ITGB1: variants seen among roughly 807,000 people sequenced by gnomAD.
ITGB1 encodes integrin beta-1.
In ITGB1, 24 loss-of-function variants were observed where a neutral mutation model predicts 86.5. That is an observed-to-expected ratio of 0.28 (90% confidence interval 0.20 to 0.39). ITGB1 has a LOEUF of 0.39. Ranked by LOEUF, ITGB1 falls within the 10% of genes least tolerant of loss-of-function variation. The probability of loss-of-function intolerance (pLI) is 1.00; values close to 1 mark genes in which losing one functional copy is unlikely to be tolerated. For missense variants in ITGB1, 556 were observed against 946.9 expected, an observed-to-expected ratio of 0.59 and a Z score of 5.42; for synonymous variants, 323 against 316.8, an observed-to-expected ratio of 1.02 and a Z score of -0.21.
intron 11 of ITGB1, among the ~76,000 whole-genome samples, chr10:32,913,428 C>A (rs1000132030): frequency 6.6e-6 from 1 of 152,064 alleles, no homozygotes; most frequent in Non-Finnish European, 1.5e-5. Context: ...TGAAAAAAGA[C>A]TAGACGAATG....
chr10:32,926,017 T>C lies in ITGB1; in HGVS notation c.640A>G (p.Thr214Ala), dbSNP rs1253206418. Residue 214 changes from threonine to alanine, a missense_variant, in exon 6 of 16, where the codon ACC becomes GCC. By Grantham distance (58) the Thr-to-Ala change is moderately conservative (BLOSUM62 0). Transcript: ENST00000302278. ...RNPCTSEQNC[T>A]SPFSYKNVLS... ...ACATTTTTGTAGCTAAATGGGCTGGTGCAGTTCTGTTCACTTGTGCAAGGG... is the reference window on the plus strand; with the variant it reads ...ACATTTTTGTAGCTAAATGGGCTGGCGCAGTTCTGTTCACTTGTGCAAGGG... The C allele has an allele frequency of 3.7e-6, 6 of 1,614,134 alleles. No homozygotes were observed. The highest frequency in any genetic ancestry group is 5.1e-6 in the Non-Finnish European group (6 of 1,179,976).
In ITGB1 at chr10:32,920,230, C is replaced by T. The variant is rs199714737; in HGVS notation, c.1269+15G>A. 15 of 1,609,914 alleles carry T rather than the reference C, an allele frequency of 9.3e-6. No individual in the cohort carries two copies. In the African/African-American group the frequency reaches 1.1e-4, roughly 11 times the overall value. Reference sequence around the variant, plus strand: ...TAACCAATGTTTTCTACAGAAAATGCTTTATACAACATACCTCATCTCCAA... The same window carrying T: ...TAACCAATGTTTTCTACAGAAAATGTTTTATACAACATACCTCATCTCCAA... On this transcript the variant is annotated intron_variant, in intron 10 of 15. Transcript: ENST00000302278.
intron 11 of ITGB1, 142 bp downstream of exon 11, chr10:32,919,743 C>G (rs1383867855): frequency 6.5e-6 from 4 of 615,538 alleles, no homozygotes; most frequent in Admixed American, 2.8e-5. Flanking sequence ...GATCATCAAA[C>G]TGATCTTGTG....
intron 1 of ITGB1, among the ~76,000 whole-genome samples, chr10:32,939,745 TG>T (rs2095013585): frequency 6.6e-6 from 1 of 151,500 alleles, no homozygotes; most frequent in Non-Finnish European, 1.5e-5. Context: ...AGTGAGTGAG[TG>T]AGTGAGTGAG....
chr10:32,948,691 C>T (rs943390642), intron 1 of ITGB1, among the ~76,000 whole-genome samples: 1 of 152,122 alleles, frequency 6.6e-6, no homozygotes, highest in Non-Finnish European at 1.5e-5. Context: ...CTTCTCTTCT[C>T]TCACTCTCTT....
At chr10:32,933,226 T>C (rs1320269857) in intron 2 of ITGB1, 3 of 152,200 alleles carry the variant, frequency 2.0e-5, no homozygotes, top group Non-Finnish European at 4.4e-5. Context: ...TTATCTTCCT[T>C]GTCTTCTGTA....
At chr10:32,953,316 C>G (rs902067665) in intron 1 of ITGB1, among the ~76,000 whole-genome samples, 3 of 152,202 alleles carry the variant, frequency 2.0e-5, no homozygotes, top group African/African-American at 7.2e-5. Flanking sequence ...ACAACTTGTT[C>G]CAATTAGACA....
At chr10:32,935,664 G>T in intron 1 of ITGB1, 106 bp from the exon 2 acceptor site, 1 of 789,858 alleles carries the variant, frequency 1.3e-6, no homozygotes, top group Non-Finnish European at 2.1e-6. Context: ...TTATAAACAT[G>T]ATGGCTCTCA....
At chr10:32,947,187 T>C (rs566837625) in intron 1 of ITGB1, among the ~76,000 whole-genome samples, 91 of 152,226 alleles carry the variant, frequency 6.0e-4, no homozygotes, top group African/African-American at 2.1e-3. Flanking sequence ...CACTTGAATG[T>C]TAATATTATG....
chr10:32,947,155 T>C (rs182384666), intron 1 of ITGB1, among the ~76,000 whole-genome samples: 92 of 152,232 alleles, frequency 6.0e-4, no homozygotes, highest in African/African-American at 2.1e-3. Context: ...CTTCATTCTT[T>C]ATAAAACTTT....
chr10:32,928,356 C>T (rs2094972164), intron 4 of ITGB1, 92 bp from the exon 5 acceptor site: 3 of 625,384 alleles, frequency 4.8e-6, no homozygotes, highest in East Asian at 2.6e-5. Flanking sequence ...ACACGGTAAA[C>T]ACAATAAAAT....
chr10:32,911,319 C>T lies in ITGB1; in HGVS notation c.1931+129G>A. Reference sequence around the variant, plus strand: ...GAACTTTTAAGAATTAAAGAGTAGGCTTCCACATGGCAGGCATTTTATTTA... The same window carrying T: ...GAACTTTTAAGAATTAAAGAGTAGGTTTCCACATGGCAGGCATTTTATTTA... On this transcript the variant is annotated intron_variant, in intron 13 of 15. Transcript: ENST00000302278. The T allele has an allele frequency of 6.8e-6, 5 of 737,294 alleles. No individual in the cohort carries two copies. The South Asian group carries it at 9.1e-5, about 13-fold the overall frequency. 45.7% of individuals were successfully genotyped at this position (737,294 alleles called of 1,614,324 possible).
At chr10:32,941,874 C>T (rs561153545) in intron 1 of ITGB1, among the ~76,000 whole-genome samples, 15 of 151,912 alleles carry the variant, frequency 9.9e-5, no homozygotes, top group East Asian at 3.9e-4. Context: ...AGAAGATGTA[C>T]GAGGGAGAAT....
intron 2 of ITGB1, chr10:32,933,455 G>A (rs1477088436): frequency 6.6e-6 from 1 of 152,146 alleles, no homozygotes; most frequent in Non-Finnish European, 1.5e-5. Context: ...TATGTTCAAA[G>A]TATGTTTTAG....
Position 32,944,875 on chromosome 10 carries a change from T to C in ITGB1, c.1-9317A>G, listed in dbSNP as rs966552684. ...ATCCTCTCATTCAGCATGAGGATGA[T>C]AAACCAGAGACGGTTATCAAAAGAC... On this transcript the variant is annotated intron_variant, in intron 1 of 15. Coordinates refer to ENST00000302278, the MANE Select transcript of ITGB1 (RefSeq NM_002211.4). 6.0e-6 allele frequency: 8 copies of C among 1,332,500 alleles called. No homozygotes were observed. The African/African-American group carries it at 8.7e-5, about 14-fold the overall frequency. The allele number at this position is 1,332,500 out of a possible 1,614,324, so 82.5% of individuals were successfully genotyped here. A position where few individuals can be genotyped will look rare whatever the true frequency, so the allele number is the denominator to read the frequency against.
intron 15 of ITGB1, among the ~76,000 whole-genome samples, chr10:32,906,807 G>C (rs1257867820): frequency 6.6e-6 from 1 of 152,152 alleles, no homozygotes; most frequent in African/African-American, 2.4e-5. Flanking sequence ...AAGTGGAAGA[G>C]GTGGGATTTG....
intron 11 of ITGB1, among the ~76,000 whole-genome samples, chr10:32,917,558 G>A (rs1016176240): frequency 4.6e-5 from 7 of 152,178 alleles, no homozygotes; most frequent in East Asian, 3.9e-4. Context: ...TTCTCAAAAG[G>A]AGACATTTAT....
intron 1 of ITGB1, among the ~76,000 whole-genome samples, chr10:32,954,212 T>TA (rs375898159): frequency 7.0e-4 from 102 of 146,636 alleles, no homozygotes; most frequent in Middle Eastern, 3.5e-3. Flanking sequence ...ATGGTCACCT[T>TA]AAAAAAAAAA....
At chr10:32,915,446 A>C (rs530545286) in intron 11 of ITGB1, among the ~76,000 whole-genome samples, 2 of 152,318 alleles carry the variant, frequency 1.3e-5, no homozygotes, top group South Asian at 4.1e-4. Context: ...AAAAGAGAAG[A>C]ATCAAATAGA....
Sources: gnomAD v4.1 joint callset for allele counts (sites outside exome capture counted in the v4.1 genomes callset) on GRCh38, gnomAD v4.1.1 for gene constraint, MANE v1.5 for transcripts, NCBI Gene and HGNC (gene_info 2026-07-23, HGNC 2026-07-21) for gene names.